Variants in MINAR1 observed in about 807,000 individuals in gnomAD.
MINAR1 encodes the protein major intrinsically disordered Notch2-binding receptor 1.
Under a neutral mutation model 65.1 loss-of-function variants are expected in MINAR1, and 40 were observed. The observed-to-expected ratio is 0.61, with a 90% confidence interval of 0.48 to 0.80. MINAR1 has a LOEUF of 0.80. Ranked by LOEUF, MINAR1 falls within the 30% of genes least tolerant of loss-of-function variation. The pLI is 0.00. For missense variants in MINAR1, 1,128 were observed against 1,148.0 expected (o/e 0.98, Z 0.25); for synonymous variants, 482 against 449.1 (o/e 1.07, Z -0.93).
chr15:79,465,970 A>G (rs1414015404), intron 3 of MINAR1, among the ~76,000 whole-genome samples: 3 of 152,092 alleles, frequency 2.0e-5, no homozygotes, highest in South Asian at 2.1e-4. Context: ...GAGGCGGTCC[A>G]ACAGTCAGGG....
At chr15:79,431,792 C>T (rs1287079129), upstream of MINAR1, among the ~76,000 whole-genome samples, 1 of 152,198 alleles carries the variant, frequency 6.6e-6, no homozygotes, top group Non-Finnish European at 1.5e-5. Flanking sequence ...GTGGTGGGCT[C>T]CCTCCAGCGC....
chr15:79,428,711 G>T (rs1047357971), upstream of MINAR1, among the ~76,000 whole-genome samples: 1 of 152,124 alleles, frequency 6.6e-6, no homozygotes, highest in Non-Finnish European at 1.5e-5. Flanking sequence ...ACTATCTCAA[G>T]TTTACCTAGA....
In MINAR1 at chr15:79,470,619, G is replaced by A. The variant is rs1007021888; in HGVS notation, c.*2235G>A. The A allele has an allele frequency of 2.6e-5, 4 of 152,104 alleles. No individual in the cohort carries two copies. Among genetic ancestry groups the A allele is most frequent in the African/African-American group, 9.7e-5 (4 of 41,370 alleles). 9.4% of individuals were successfully genotyped at this position (152,104 alleles called of 1,614,324 possible). On this transcript the variant is annotated 3_prime_UTR_variant, in exon 4 of 4. Coordinates refer to ENST00000305428, the MANE Select transcript of MINAR1 (RefSeq NM_015206.3). ...CTACCTTGGGAAGGCATGACTATAA[G>A]TCACACCTCAGGCTTGGAAATGAAA...
At chr15:79,411,854 C>G in the MINAR1 span, 1 of 225,332 alleles carries the variant, frequency 4.4e-6, no homozygotes, top group Non-Finnish European at 9.1e-6. Context: ...TCCCTCTAGG[C>G]TCGACTTGCT....
chr15:79,469,599 C>T lies in MINAR1; in HGVS notation c.*1215C>T, dbSNP rs892301818. 6.6e-6 allele frequency: 1 copy of T among 152,476 alleles called. No individual in the cohort carries two copies. The highest frequency in any genetic ancestry group is 1.5e-5 in the Non-Finnish European group (1 of 68,020). The allele number at this position is 152,476 out of a possible 1,614,324, so 9.4% of individuals were successfully genotyped here. A position where few individuals can be genotyped will look rare whatever the true frequency, so the allele number is the denominator to read the frequency against. ...TAAATACTTGATTTTTATTTATTGTCTTCTCTGTTAAATAACTTGAGAGCA... is the reference window on the plus strand; with the variant it reads ...TAAATACTTGATTTTTATTTATTGTTTTCTCTGTTAAATAACTTGAGAGCA... On this transcript the variant is annotated 3_prime_UTR_variant, in exon 4 of 4. Transcript: ENST00000305428.
At chr15:79,445,695 T>C (rs1173132126) in intron 1 of MINAR1, among the ~76,000 whole-genome samples, 1 of 152,070 alleles carries the variant, frequency 6.6e-6, no homozygotes, top group African/African-American at 2.4e-5. Flanking sequence ...ATTACAGGCA[T>C]GTACCACCAC....
the MINAR1 span, chr15:79,411,412 G>C: frequency 5.7e-6 from 4 of 702,408 alleles, no homozygotes; most frequent in Non-Finnish European, 7.8e-6. Flanking sequence ...ATTCAGAGGA[G>C]CTTATTGGAA....
intron 1 of MINAR1, among the ~76,000 whole-genome samples, chr15:79,436,446 T>C (rs1050334360): frequency 5.3e-5 from 8 of 152,216 alleles, no homozygotes; most frequent in African/African-American, 1.9e-4. Flanking sequence ...ACCGAAAGTC[T>C]GATGCACTGG....
In MINAR1 at chr15:79,451,471, C is replaced by T. The variant is rs76833892; in HGVS notation, c.-50-4627C>T. 0.013 allele frequency among the ~76,000 whole-genome samples: 2,048 copies of T among 152,044 alleles called. 235 individuals carry two copies. The East Asian group carries it at 0.29, about 22-fold the overall frequency. ...AGGACTGCGGGAGGATGTGGGCAGC[C>T]GAGGCAGCAGGCCTCCAAGCAGACG... On this transcript the variant is annotated intron_variant, in intron 1 of 3. Coordinates refer to ENST00000305428, the MANE Select transcript of MINAR1 (RefSeq NM_015206.3).
chr15:79,469,731 A>G lies in MINAR1; in HGVS notation c.*1347A>G, dbSNP rs1896006571. ...TAATGGAACAGAAAGAATCCTTATC[A>G]GCATCTGATTCCAATGTCTTGTTAC... On this transcript the variant is annotated 3_prime_UTR_variant, in exon 4 of 4. Transcript: ENST00000305428. The G allele has an allele frequency of 6.5e-6, 1 of 152,674 alleles. No individual in the cohort carries two copies. Among genetic ancestry groups the G allele is most frequent in the East Asian group, 1.9e-4 (1 of 5,200 alleles). The allele number at this position is 152,674 out of a possible 1,614,324, so 9.5% of individuals were successfully genotyped here.
intron 1 of MINAR1, among the ~76,000 whole-genome samples, chr15:79,455,080 T>G (rs536031652): frequency 2.4e-4 from 36 of 152,310 alleles, no homozygotes; most frequent in Middle Eastern, 3.4e-3. Flanking sequence ...GCAAATAAAG[T>G]AAAATATTAA....
intron 2 of MINAR1, among the ~76,000 whole-genome samples, chr15:79,460,565 C>T (rs76954592): frequency 0.051 from 7,662 of 151,710 alleles, 211 homozygotes; most frequent in Middle Eastern, 0.062. Context: ...TACACCTCTA[C>T]GTTGAGTCAA....
Position 79,456,314 on chromosome 15 carries a change from T to C in MINAR1, c.167T>C (p.Leu56Pro). ...AGTGTGCTCTTCTACACAGCTTGTC[T>C]CGATCCCAATTTTCCAGCCACGCTA... ...LRSVLFYTAC[L>P]DPNFPATLFK... is the part of the protein sequence containing the mutation. Residue 56 changes from leucine to proline, a missense_variant, in exon 2 of 4, where the codon CTC (leucine) becomes CCC (proline). Leu to Pro is a moderately conservative substitution (Grantham distance 98). Transcript: ENST00000305428. The C allele has an allele frequency of 6.2e-7, 1 of 1,614,178 alleles. No individual in the cohort carries two copies. Among genetic ancestry groups the C allele is most frequent in the Non-Finnish European group, 8.5e-7 (1 of 1,180,024 alleles).
intron 1 of MINAR1, among the ~76,000 whole-genome samples, chr15:79,437,681 G>GT (rs1894649693): frequency 6.1e-5 from 7 of 115,040 alleles, no homozygotes; most frequent in South Asian, 3.1e-4. Flanking sequence ...GGGTGTGGGT[G>GT]GCGTGGGTAG....
rs1190502629 is a variant in MINAR1 at position 79,457,848 on chromosome 15, T to A, written c.1701T>A (p.Ile567=). The A allele has an allele frequency of 6.2e-6, 10 of 1,613,944 alleles. No individual in the cohort carries two copies. Among genetic ancestry groups the A allele is most frequent in the Non-Finnish European group, 8.5e-6 (10 of 1,180,008 alleles). Residue 567 remains isoleucine, a synonymous_variant, in exon 2 of 4, where the codon ATT becomes ATA. Transcript: ENST00000305428. ...CCCCTGAGCACAACTTAACCAAAAT[T>A]GCCAATGGGGTCCCCAACAGCAAGG... is the stretch of plus-strand genomic sequence containing the variant. ...DSSPEHNLTK[I]ANGVPNSKGD...
At chr15:79,430,646 T>A (rs1894414402), upstream of MINAR1, among the ~76,000 whole-genome samples, 1 of 152,176 alleles carries the variant, frequency 6.6e-6, no homozygotes, top group African/African-American at 2.4e-5. Flanking sequence ...TTAAAATCAC[T>A]AGGCAAGGTA....
rs1431231904 is a variant in MINAR1, at chr15:79,470,803, G to A, written c.*2419G>A. 6.6e-6 allele frequency: 1 copy of A among 152,200 alleles called. No homozygotes were observed. Among genetic ancestry groups the A allele is most frequent in the African/African-American group, 2.4e-5 (1 of 41,436 alleles). 9.4% of individuals were successfully genotyped at this position (152,200 alleles called of 1,614,324 possible). A position where few individuals can be genotyped will look rare whatever the true frequency, so the allele number is the denominator to read the frequency against. ...ATAATCCAGGAAATTGCAAAATGGA[G>A]GCCAAAAGTAAGGTGGGTTTCTCTG... On this transcript the variant is annotated 3_prime_UTR_variant, in exon 4 of 4. Coordinates refer to ENST00000305428, the MANE Select transcript of MINAR1 (RefSeq NM_015206.3).
At chr15:79,433,016 C>G (rs76614678) in intron 1 of MINAR1, among the ~76,000 whole-genome samples, 313 of 152,346 alleles carry the variant, frequency 2.1e-3, no homozygotes, top group Middle Eastern at 3.4e-3. Context: ...TTGAGATTTC[C>G]AGTCACGTTG....
intron 2 of MINAR1, among the ~76,000 whole-genome samples, chr15:79,461,729 C>T (rs1265381513): frequency 1.3e-5 from 2 of 152,122 alleles, no homozygotes; most frequent in Admixed American, 1.3e-4. Flanking sequence ...GATGTGTTTC[C>T]AGTCCCCATG....
Sources: allele counts gnomAD v4.1 joint callset (sites outside exome capture counted in the v4.1 genomes callset), GRCh38; gene constraint gnomAD v4.1.1; transcripts MANE v1.5; gene names NCBI Gene and HGNC (gene_info 2026-07-23, HGNC 2026-07-21).